The following ZNF483 variants were observed in gnomAD, a reference collection of about 807,000 sequenced individuals.
ZNF483 encodes the protein zinc finger protein HIT-10.
ZNF483 carries 9 observed loss-of-function variants against 28.6 expected under a neutral mutation model. That is an observed-to-expected ratio of 0.32 (90% CI 0.19 to 0.55). ZNF483 has a LOEUF of 0.55. Among genes scored for constraint, ZNF483 ranks in the 20% least tolerant of loss-of-function variants. The pLI is 0.93. For synonymous variants in ZNF483, 322 were observed against 306.2 expected (o/e 1.05, Z -0.54); for missense variants, 675 against 871.7 (o/e 0.77, Z 2.84).
At chr9:111,535,259 G>A (rs1384001579) in intron 5 of ZNF483, among the ~76,000 whole-genome samples, 1 of 152,214 alleles carries the variant, frequency 6.6e-6, no homozygotes, top group Non-Finnish European at 1.5e-5. Flanking sequence ...CATTTTTATG[G>A]ACACTAGAGG....
In ZNF483 at chr9:111,551,394, G is replaced by GTGTTTGTTTTTTTTTTTTTT. The variant is rs1827939530; in HGVS notation, c.*8225_*8226insGTTTGTTTTTTTTTTTTTTT. On this transcript the variant is annotated 3_prime_UTR_variant, in exon 6 of 6. Transcript: ENST00000309235. The stretch of plus-strand genomic sequence containing the variant: ...TTCCAATAACTGAATCAAGTATCCA[G>GTGTTTGTTTTTTTTTTTTTT]TTTTTGTTTTTTTTTTTTTTTTTTT... Among the ~76,000 whole-genome samples, 1 of 115,498 alleles carries GTGTTTGTTTTTTTTTTTTTT rather than the reference G, an allele frequency of 8.7e-6. No individual in the cohort carries two copies. Among genetic ancestry groups the GTGTTTGTTTTTTTTTTTTTT allele is most frequent in the African/African-American group, 3.4e-5 (1 of 29,840 alleles). 75.8% of individuals were successfully genotyped at this position (115,498 alleles called of 152,430 possible).
chr9:111,558,222 T>C (rs1455025136), downstream of ZNF483, among the ~76,000 whole-genome samples: 1 of 152,240 alleles, frequency 6.6e-6, no homozygotes, highest in African/African-American at 2.4e-5. Flanking sequence ...CAGTACGGAC[T>C]CATGGTTTCC....
chr9:111,528,029 G>C, intron 2 of ZNF483: 1 of 1,450,750 alleles, frequency 6.9e-7, no homozygotes, highest in South Asian at 1.5e-5. Context: ...TATCTTTCTT[G>C]TAGTTTTCTT....
At chr9:111,564,604 C>G (rs1828471499) in intron 5 of ZNF483, among the ~76,000 whole-genome samples, 1 of 151,940 alleles carries the variant, frequency 6.6e-6, no homozygotes. Context: ...CTGCGCCTGG[C>G]TGAGATTTGA....
In ZNF483 at chr9:111,552,352, T is replaced by G. The variant is rs142567465; in HGVS notation, c.*9182T>G. ...GCTTTTGTGCATATGTACTGAAGAA[T>G]TATAACACATGTATCCGTGACTCGT... On this transcript the variant is annotated 3_prime_UTR_variant, in exon 6 of 6. Transcript: ENST00000309235. Among the ~76,000 whole-genome samples, 98 of 152,308 alleles carry G rather than the reference T, an allele frequency of 6.4e-4. No individual in the cohort carries two copies. The East Asian group carries it at 0.018, about 28-fold the overall frequency.
intron 2 of ZNF483, among the ~76,000 whole-genome samples, chr9:111,529,743 A>G (rs1827272386): frequency 6.6e-6 from 1 of 152,246 alleles, no homozygotes; most frequent in Admixed American, 6.5e-5. Flanking sequence ...GGAAATGCCT[A>G]GGTTTTCACA....
intron 1 of ZNF483, 64 bp from the exon 2 acceptor site, chr9:111,527,204 G>A (rs555896147): frequency 9.6e-6 from 5 of 520,928 alleles, no homozygotes; most frequent in East Asian, 6.2e-5. Context: ...AACCAAGAAC[G>A]ATGTTTTTAG....
At chr9:111,571,166 T>C (rs1828803997) in intron 5 of ZNF483, among the ~76,000 whole-genome samples, 2 of 149,478 alleles carry the variant, frequency 1.3e-5, no homozygotes, top group Non-Finnish European at 3.0e-5. Context: ...TAATCCAGCA[T>C]TTTGGGAGGC....
chr9:111,560,552 A>G (rs1375210307), intron 5 of ZNF483, among the ~76,000 whole-genome samples: 1 of 145,436 alleles, frequency 6.9e-6, no homozygotes, highest in Non-Finnish European at 1.5e-5. Flanking sequence ...GAGGCAGGAG[A>G]ATTGCTTGAA....
chr9:111,542,197 G>A lies in ZNF483; in HGVS notation c.1262G>A (p.Cys421Tyr), dbSNP rs767902830. ...PMCEKCRKDS[C>Y]QEAALNKDEG... ...TGTGAGAAATGTCGGAAAGATTCAT[G>A]TCAAGAAGCAGCCTTAAATAAAGAT... is the stretch of plus-strand genomic sequence containing the variant. Residue 421 changes from cysteine (C) to tyrosine (Y), a missense_variant, in exon 6 of 6, where the codon TGT becomes TAT. Transcript: ENST00000309235. The surrounding 1 kb of genome is among the most constrained non-coding windows in gnomAD (Gnocchi z 6.2). The A allele has an allele frequency of 3.7e-6, 6 of 1,614,076 alleles. No homozygotes were observed. In the Admixed American group the frequency reaches 1.0e-4, roughly 27 times the overall value.
rs755356664 is a variant in ZNF483, at chr9:111,527,639, A to C, written c.244A>C (p.Arg82=). 2.4e-5 allele frequency: 39 copies of C among 1,614,096 alleles called. No homozygotes were observed. Among genetic ancestry groups the C allele is most frequent in the Non-Finnish European group, 3.2e-5 (38 of 1,180,054 alleles). Residue 82 remains arginine, a synonymous_variant, in exon 2 of 6, where the codon AGA becomes CGA. Coordinates refer to ENST00000309235, the MANE Select transcript of ZNF483 (RefSeq NM_133464.5). ...QLWELCNQWL[R]PDIHTKEQIL... ...CTGGGAGCTCTGCAATCAGTGGCTG[A>C]GACCAGACATTCACACGAAAGAACA...
chr9:111,567,290 C>G (rs545474836), intron 5 of ZNF483, among the ~76,000 whole-genome samples: 1 of 152,050 alleles, frequency 6.6e-6, no homozygotes, highest in Non-Finnish European at 1.5e-5. Flanking sequence ...CAGGTTCAAG[C>G]GATTCTCCTG....
chr9:111,531,853 A>G (rs79408622), intron 3 of ZNF483, among the ~76,000 whole-genome samples: 9 of 152,170 alleles, frequency 5.9e-5, no homozygotes, highest in Admixed American at 3.3e-4. Context: ...AGCTCATTTT[A>G]AAATATTTTT....
chr9:111,533,329 C>T (rs571482736), intron 3 of ZNF483, among the ~76,000 whole-genome samples: 20 of 152,296 alleles, frequency 1.3e-4, no homozygotes, highest in Admixed American at 2.6e-4. Flanking sequence ...GAATGATTAG[C>T]CGCTCCGTAG....
exon 6 of ZNF483, chr9:111,577,131 C>A (rs1162817396): frequency 6.6e-6 from 1 of 151,800 alleles, no homozygotes; most frequent in Admixed American, 6.6e-5. Context: ...TAACCTAGTT[C>A]AAAAATGGGC....
rs530677259 is a variant in ZNF483, at chr9:111,549,650, G to T, written c.*6480G>T. ...TGGGGCAGCGGTCGTGGTGGTGGTG[G>T]CAGCGGCAGCAGGGTTCCCCATTGA... is the stretch of plus-strand genomic sequence containing the variant. On this transcript the variant is annotated 3_prime_UTR_variant, in exon 6 of 6. Coordinates refer to ENST00000309235, the MANE Select transcript of ZNF483 (RefSeq NM_133464.5). The T allele has an allele frequency of 3.1e-6, 4 of 1,311,042 alleles. No homozygotes were observed. The highest frequency in any genetic ancestry group is 3.0e-5 in the African/African-American group (2 of 66,580). 81.2% of individuals were successfully genotyped at this position (1,311,042 alleles called of 1,614,324 possible).
Position 111,546,793 on chromosome 9 carries a change from T to C in ZNF483, c.*3623T>C, listed in dbSNP as rs1385881739. ...CACCACTATCCATCTCCAGAACTTT[T>C]TCATCATCCCAAACTGAAACTCTGT... On this transcript the variant is annotated 3_prime_UTR_variant, in exon 6 of 6. Coordinates refer to ENST00000309235, the MANE Select transcript of ZNF483 (RefSeq NM_133464.5). Among the ~76,000 whole-genome samples, 1 of 152,192 alleles carries C rather than the reference T, an allele frequency of 6.6e-6. No homozygotes were observed. The highest frequency in any genetic ancestry group is 1.5e-5 in the Non-Finnish European group (1 of 68,020).
At chr9:111,538,757 G>A (rs574272601) in intron 5 of ZNF483, among the ~76,000 whole-genome samples, 3 of 151,948 alleles carry the variant, frequency 2.0e-5, no homozygotes, top group Non-Finnish European at 2.9e-5. Context: ...AGTTATTTAC[G>A]ACACACCAGA....
chr9:111,558,510 T>TA (rs1174092307), downstream of ZNF483, among the ~76,000 whole-genome samples: 2 of 152,098 alleles, frequency 1.3e-5, no homozygotes, highest in Admixed American at 6.6e-5. Context: ...AGAATCCTCT[T>TA]AAAAAAAGAA....
Sources: allele counts gnomAD v4.1 joint callset (sites outside exome capture counted in the v4.1 genomes callset), GRCh38; gene constraint gnomAD v4.1.1; non-coding constraint Gnocchi (gnomAD v3.1); transcripts MANE v1.5; gene names NCBI Gene and HGNC (gene_info 2026-07-23, HGNC 2026-07-21).